CUX2: variants seen among roughly 807,000 people sequenced by gnomAD.
The protein encoded by CUX2 is cut like homeobox 2, also known as homeobox protein cut-like 2.
Under a neutral mutation model 144.8 loss-of-function variants are expected in CUX2, and 40 were observed. The ratio of observed to expected loss-of-function variants is 0.28; its 90% CI spans 0.21 to 0.36. CUX2 has a LOEUF of 0.36. Ranked by LOEUF, CUX2 falls within the 10% of genes least tolerant of loss-of-function variation. The pLI, the probability that CUX2 is intolerant of heterozygous loss-of-function variation, is 1.00. For missense variants in CUX2, 1,615 were observed against 1,994.0 expected (o/e 0.81, Z 3.62); for synonymous variants, 827 against 875.6 (o/e 0.94, Z 0.98).
intron 12 of CUX2, 130 bp from the exon 13 acceptor site, chr12:111,308,154 TG>T: frequency 9.9e-7 from 1 of 1,010,508 alleles, no homozygotes; most frequent in Non-Finnish European, 1.5e-6. Flanking sequence ...GCAATGACTC[TG>T]GAATTAATGG....
intron 1 of CUX2, among the ~76,000 whole-genome samples, chr12:111,048,335 C>T (rs1005557076): frequency 6.6e-6 from 1 of 152,220 alleles, no homozygotes; most frequent in Admixed American, 6.5e-5. Context: ...GAGAGGAGTT[C>T]TTCGTGGCAG....
intron 1 of CUX2, among the ~76,000 whole-genome samples, chr12:111,051,542 T>C (rs943986385): frequency 2.0e-5 from 3 of 152,090 alleles, no homozygotes; most frequent in Admixed American, 1.3e-4. Flanking sequence ...GATATTGGTA[T>C]AGTTACTCCC....
chr12:111,202,798 G>A (rs1453116632), intron 1 of CUX2, among the ~76,000 whole-genome samples: 1 of 152,148 alleles, frequency 6.6e-6, no homozygotes, highest in African/African-American at 2.4e-5. Context: ...AGGTAGAGAG[G>A]AGGTGCTTAC....
chr12:111,314,196 C>T (rs1227698269), intron 16 of CUX2, among the ~76,000 whole-genome samples: 3 of 152,186 alleles, frequency 2.0e-5, no homozygotes, highest in African/African-American at 7.2e-5. Context: ...TTATTAAGCA[C>T]CTACTGTGGT....
At chr12:111,118,044 A>T (rs1167907590) in intron 1 of CUX2, among the ~76,000 whole-genome samples, 1 of 152,154 alleles carries the variant, frequency 6.6e-6, no homozygotes, top group African/African-American at 2.4e-5. Flanking sequence ...TCAGTTGGTG[A>T]TGACCAGACA....
chr12:111,334,415 A>G, intron 18 of CUX2, 26 bp from the exon 19 acceptor site: 6 of 1,549,230 alleles, frequency 3.9e-6, no homozygotes, highest in Non-Finnish European at 5.2e-6. Context: ...TATAGTAACC[A>G]CCTTCTCTTT....
At chr12:111,047,529 C>CT (rs1870056286) in intron 1 of CUX2, among the ~76,000 whole-genome samples, 1 of 152,126 alleles carries the variant, frequency 6.6e-6, no homozygotes, top group Non-Finnish European at 1.5e-5. Context: ...GGTCCCTGAC[C>CT]TTTGTTCTTT....
At chr12:111,105,508 T>TGCGC (rs1555269800) in intron 1 of CUX2, among the ~76,000 whole-genome samples, 2 of 152,160 alleles carry the variant, frequency 1.3e-5, no homozygotes, top group African/African-American at 4.8e-5. Context: ...TGTGTGTGTG[T>TGCGC]GCTCACGCAC....
At chr12:111,051,114 ATAT>A (rs1870242508) in intron 1 of CUX2, among the ~76,000 whole-genome samples, 1 of 152,200 alleles carries the variant, frequency 6.6e-6, no homozygotes, top group Admixed American at 6.5e-5. Flanking sequence ...ATATATACAA[ATAT>A]TATGTATCAA....
Position 111,286,824 on chromosome 12 carries a change from G to A in CUX2, c.302-4594G>A, listed in dbSNP as rs529861596. Among the ~76,000 whole-genome samples, 11 of 152,140 alleles carry A rather than the reference G, an allele frequency of 7.2e-5. No individual in the cohort carries two copies. In the South Asian group the frequency reaches 2.1e-3, roughly 29 times the overall value. On this transcript the variant is annotated intron_variant, in intron 4 of 21. Transcript: ENST00000261726. ...GCAGAGGTTGCAGTGAGCCAAGATC[G>A]AGCCTTGGCACTCCAGCCTGGGCAA...
At chr12:111,318,348 C>G (rs938049592) in intron 16 of CUX2, among the ~76,000 whole-genome samples, 1 of 150,536 alleles carries the variant, frequency 6.6e-6, no homozygotes, top group Non-Finnish European at 1.5e-5. Context: ...CCTCACCCTC[C>G]CAAAGTGCTG....
At chr12:111,072,531 C>T (rs1034641335) in intron 1 of CUX2, among the ~76,000 whole-genome samples, 3 of 152,140 alleles carry the variant, frequency 2.0e-5, no homozygotes, top group African/African-American at 7.2e-5. Flanking sequence ...TGGCAAACTC[C>T]CATGAGCTTA....
chr12:111,243,929 T>C (rs76123834), intron 3 of CUX2, among the ~76,000 whole-genome samples: 117 of 152,252 alleles, frequency 7.7e-4, no homozygotes, highest in African/African-American at 2.7e-3. Flanking sequence ...TCTTTGTATG[T>C]GGAAGTGACC....
chr12:111,216,445 G>A (rs886897925), intron 2 of CUX2, among the ~76,000 whole-genome samples: 1 of 152,176 alleles, frequency 6.6e-6, no homozygotes, highest in Non-Finnish European at 1.5e-5. Flanking sequence ...CGAACTTTAC[G>A]GTGGGTTGCC....
intron 1 of CUX2, among the ~76,000 whole-genome samples, chr12:111,128,007 T>C (rs1875201261): frequency 6.6e-6 from 1 of 152,184 alleles, no homozygotes; most frequent in Non-Finnish European, 1.5e-5. Flanking sequence ...GAGATTTGGG[T>C]GGGGACACAG....
intron 1 of CUX2, among the ~76,000 whole-genome samples, chr12:111,112,578 A>T (rs1193110958): frequency 6.6e-6 from 1 of 151,696 alleles, no homozygotes; most frequent in African/African-American, 2.4e-5. Context: ...CGTGGGGGGA[A>T]CTTTTGGACA....
chr12:111,348,285 G>A lies in CUX2; in HGVS notation c.4421G>A (p.Arg1474Gln), dbSNP rs556464147. The part of the protein sequence containing the change: ...NLNNIIYRVE[R>Q]AANREEALEW... ...AACAACATCATTTACCGAGTAGAGC[G>A]GGCTGCCAATCGGGAGGAGGCCCTG... Residue 1474 changes from arginine (R) to glutamine (Q), a missense_variant, in exon 22 of 22, where the codon CGG (arginine) becomes CAG (glutamine). By Grantham distance (43) the Arg-to-Gln change is conservative (BLOSUM62 1). Around this residue, in one of 12 missense-constraint regions of CUX2, gnomAD observed 298 missense variants for 330.4 expected, o/e 0.90. Coordinates refer to ENST00000261726, the MANE Select transcript of CUX2 (RefSeq NM_015267.4). 7.8e-5 allele frequency: 126 copies of A among 1,613,136 alleles called. No individual in the cohort carries two copies. The highest frequency in any genetic ancestry group is 1.7e-4 in the Middle Eastern group (1 of 6,060).
At chr12:111,203,702 G>T (rs868078213) in intron 1 of CUX2, among the ~76,000 whole-genome samples, 7 of 152,254 alleles carry the variant, frequency 4.6e-5, no homozygotes, top group Middle Eastern at 6.8e-3. Context: ...TTTGAGCAGA[G>T]GAGGAACAGG....
At chr12:111,094,318 C>T (rs1872701966) in intron 1 of CUX2, among the ~76,000 whole-genome samples, 2 of 152,160 alleles carry the variant, frequency 1.3e-5, no homozygotes, top group Admixed American at 1.3e-4. Context: ...CTCATTGTGG[C>T]GGAAGGGCCC....
Sources: allele counts gnomAD v4.1 joint callset (sites outside exome capture counted in the v4.1 genomes callset), GRCh38; gene constraint gnomAD v4.1.1; regional missense constraint gnomAD v4.1.1; transcripts MANE v1.5; gene names NCBI Gene and HGNC (gene_info 2026-07-23, HGNC 2026-07-21).